Variants in NUBPL observed in about 807,000 individuals in gnomAD.
NUBPL encodes the protein NUBP iron-sulfur cluster assembly factor, mitochondrial, also known as iron-sulfur cluster transfer protein NUBPL.
Under a neutral mutation model 45.7 loss-of-function variants are expected in NUBPL, and 31 were observed. The ratio of observed to expected loss-of-function variants is 0.68; its 90% CI spans 0.51 to 0.92. The LOEUF is 0.92. Among genes scored for constraint, NUBPL ranks in the 40% least tolerant of loss-of-function variants. NUBPL has a pLI of 0.00. For missense variants in NUBPL, 401 were observed against 398.7 expected, an observed-to-expected ratio of 1.01 and a Z score of -0.05; for synonymous variants, 144 against 140.9, an observed-to-expected ratio of 1.02 and a Z score of -0.15.
intron 4 of NUBPL, among the ~76,000 whole-genome samples, chr14:31,633,485 C>T (rs1399391601): frequency 6.6e-6 from 1 of 152,112 alleles, no homozygotes; most frequent in African/African-American, 2.4e-5. Flanking sequence ...AGTCACATAG[C>T]TTATTTAATG....
intron 3 of NUBPL, among the ~76,000 whole-genome samples, chr14:31,583,805 G>A (rs1049876535): frequency 6.6e-6 from 1 of 152,180 alleles, no homozygotes; most frequent in Admixed American, 6.5e-5. Context: ...TGGAAATGGA[G>A]AAGGAGGTAG....
intron 6 of NUBPL, among the ~76,000 whole-genome samples, chr14:31,778,609 G>A (rs887616650): frequency 6.6e-6 from 1 of 152,206 alleles, no homozygotes; most frequent in African/African-American, 2.4e-5. Context: ...GACTTCCCAG[G>A]TTGATATAAT....
intron 6 of NUBPL, among the ~76,000 whole-genome samples, chr14:31,720,242 T>G (rs2037779254): frequency 6.6e-6 from 1 of 152,236 alleles, no homozygotes; most frequent in Admixed American, 6.5e-5. Flanking sequence ...GTAGTTCAAG[T>G]CTTCGTCATC....
chr14:31,766,554 A>G (rs2038916013), intron 6 of NUBPL, among the ~76,000 whole-genome samples: 1 of 152,194 alleles, frequency 6.6e-6, no homozygotes. Flanking sequence ...TCAAAGAAAC[A>G]AGTAGCCCCA....
chr14:31,760,182 A>AGAGAGAGAGAGAGAGAGAGC (rs1310961791), intron 6 of NUBPL, among the ~76,000 whole-genome samples: 1 of 146,650 alleles, frequency 6.8e-6, no homozygotes, highest in African/African-American at 2.5e-5. Context: ...AGAGAGAGAG[A>AGAGAGAGAGAGAGAGAGAGC]CAGGGTGTCA....
intron 6 of NUBPL, among the ~76,000 whole-genome samples, chr14:31,677,634 T>C (rs1381062959): frequency 6.6e-6 from 1 of 152,246 alleles, no homozygotes; most frequent in Non-Finnish European, 1.5e-5. Context: ...TCTTGTTCTC[T>C]TCCCTTACTT....
At chr14:31,765,101 C>T (rs2138741651) in intron 6 of NUBPL, among the ~76,000 whole-genome samples, 1 of 152,234 alleles carries the variant, frequency 6.6e-6, no homozygotes, top group South Asian at 2.1e-4. Context: ...ACGGGAAAGA[C>T]ATAGGTCACT....
At chr14:31,733,362 A>T (rs1043431214) in intron 6 of NUBPL, among the ~76,000 whole-genome samples, 12 of 152,146 alleles carry the variant, frequency 7.9e-5, no homozygotes, top group Non-Finnish European at 1.5e-4. Context: ...GCAATTTTAG[A>T]ATTAGCCTGT....
At chr14:31,745,670 T>C (rs896226473) in intron 6 of NUBPL, among the ~76,000 whole-genome samples, 2 of 152,020 alleles carry the variant, frequency 1.3e-5, no homozygotes, top group African/African-American at 4.8e-5. Context: ...TTAGTAATTA[T>C]AAGAGTTTTT....
At chr14:31,762,922 G>T (rs1286891035) in intron 6 of NUBPL, among the ~76,000 whole-genome samples, 1 of 152,182 alleles carries the variant, frequency 6.6e-6, no homozygotes, top group Non-Finnish European at 1.5e-5. Flanking sequence ...GCCTGAGATT[G>T]CTGATTGAGA....
intron 3 of NUBPL, among the ~76,000 whole-genome samples, chr14:31,580,065 A>G (rs1180938191): frequency 1.3e-5 from 2 of 152,212 alleles, no homozygotes; most frequent in Admixed American, 1.3e-4. Context: ...TTAATGTCCA[A>G]TAAAGGCTAT....
At chr14:31,858,287 G>A (rs1166608444) in intron 10 of NUBPL, among the ~76,000 whole-genome samples, 1 of 152,216 alleles carries the variant, frequency 6.6e-6, no homozygotes, top group Non-Finnish European at 1.5e-5. Flanking sequence ...CATGGGAACT[G>A]TGGGAGTTAC....
intron 6 of NUBPL, among the ~76,000 whole-genome samples, chr14:31,742,277 C>CACACACACACACACACACACAT (rs998724714): frequency 6.7e-6 from 1 of 149,264 alleles, no homozygotes; most frequent in African/African-American, 2.5e-5. Context: ...CACACACACA[C>CACACACACACACACACACACAT]ACATCTTCCT....
At chr14:31,839,021 A>G (rs1357026807) in intron 8 of NUBPL, among the ~76,000 whole-genome samples, 1 of 152,146 alleles carries the variant, frequency 6.6e-6, no homozygotes, top group East Asian at 1.9e-4. Flanking sequence ...CAAGGAACTC[A>G]TTTTAATTTT....
At position 31,561,426 on chromosome 14, in the gene NUBPL, C is replaced by T. The variant is rs746814614; in HGVS notation, c.-14C>T. The T allele has an allele frequency of 2.4e-5, 33 of 1,381,730 alleles. No homozygotes were observed. Among genetic ancestry groups the T allele is most frequent in the Non-Finnish European group, 2.0e-5 (21 of 1,055,100 alleles). 85.6% of individuals were successfully genotyped at this position (1,381,730 alleles called of 1,614,324 possible). Reference sequence around the variant, plus strand: ...GACAGTTTCCCAGCAGGGCTCACAGCAGCGTTCCGCGTCATGGGGATTTGG... The same window carrying T: ...GACAGTTTCCCAGCAGGGCTCACAGTAGCGTTCCGCGTCATGGGGATTTGG... On this transcript the variant is annotated 5_prime_UTR_variant, in exon 1 of 11. Transcript: ENST00000281081.
At position 31,617,124 on chromosome 14, in the gene NUBPL, G is replaced by A. The variant is rs1196535591; in HGVS notation, c.382+17745G>A. Among the ~76,000 whole-genome samples the A allele has an allele frequency of 3.3e-5, 5 of 152,312 alleles. No individual in the cohort carries two copies. In the East Asian group the frequency reaches 9.6e-4, roughly 29 times the overall value. On this transcript the variant is annotated intron_variant, in intron 4 of 10. Transcript: ENST00000281081. ...CTTGTGATTTTTGCACATTGGTTTT[G>A]TATCCTGAGACTTTGCTGAAGTTGC...
At chr14:31,621,008 A>G (rs1323234829) in intron 4 of NUBPL, among the ~76,000 whole-genome samples, 1 of 152,200 alleles carries the variant, frequency 6.6e-6, no homozygotes, top group Non-Finnish European at 1.5e-5. Flanking sequence ...GAGGGGCAGT[A>G]TGGCCGCACC....
chr14:31,852,886 A>G (rs1209738607), intron 10 of NUBPL, among the ~76,000 whole-genome samples: 9 of 152,156 alleles, frequency 5.9e-5, no homozygotes, highest in Non-Finnish European at 1.0e-4. Context: ...CTTAGAAACT[A>G]GTCACAACGC....
intron 10 of NUBPL, 56 bp from the exon 11 acceptor site, chr14:31,859,062 G>T: frequency 6.8e-7 from 1 of 1,470,288 alleles, no homozygotes; most frequent in Non-Finnish European, 9.5e-7. Flanking sequence ...CAGTTGATGA[G>T]TCATTCAATG....
Sources: allele counts gnomAD v4.1 joint callset (sites outside exome capture counted in the v4.1 genomes callset), GRCh38; gene constraint gnomAD v4.1.1; transcripts MANE v1.5; gene names NCBI Gene and HGNC (gene_info 2026-07-23, HGNC 2026-07-21).